The following ZNF469 variants were observed in gnomAD, a reference collection of about 807,000 sequenced individuals.
ZNF469 encodes the protein zinc finger protein 469.
In ZNF469, 1 loss-of-function variant was observed where a neutral mutation model predicts 1.0. The ratio of observed to expected loss-of-function variants is 1.00; its 90% confidence interval spans 0.35 to 4.73. The LOEUF is 4.73. ZNF469 is among the 30% of genes most tolerant of loss of function. The probability of loss-of-function intolerance (pLI) is 0.16; values close to 1 mark genes in which losing one functional copy is unlikely to be tolerated. For synonymous variants in ZNF469, 2,703 were observed against 2,363.4 expected (o/e 1.14, Z -4.17); for missense variants, 6,100 against 5,356.3 (o/e 1.14, Z -4.33).
At chr16:88,244,110 TG>T in the ZNF469 span, among the ~76,000 whole-genome samples, 1 of 146,890 alleles carries the variant, frequency 6.8e-6, no homozygotes, top group Non-Finnish European at 1.5e-5. Flanking sequence ...AATGGGTGGG[TG>T]GGTGGATGGA....
Position 88,434,461 on chromosome 16 carries a change from C to G in ZNF469, c.6991C>G (p.Pro2331Ala). The G allele has an allele frequency of 1.3e-6, 2 of 1,549,920 alleles. No individual in the cohort carries two copies. Among genetic ancestry groups the G allele is most frequent in the Non-Finnish European group, 1.7e-6 (2 of 1,146,940 alleles). ...GCCCAGGGGCCACTCCTCGTATTCT[C>G]CAAGCAATACTGCCCGCCTCGGCCA... is the stretch of plus-strand genomic sequence containing the variant. ...RMPRGHSSYS[P>A]SNTARLGHRE... Residue 2331 changes from proline (P) to alanine (A), a missense_variant, in exon 3 of 3, where the codon CCA (proline) becomes GCA (alanine). Transcript: ENST00000565624.
In ZNF469 at chr16:88,383,137, G is replaced by T. The variant is rs1432766927; in HGVS notation, c.-309G>T. ...TCGGTGCCCGGCGGGCGGGCGGCCC[G>T]GGCGGGCCTGCGGTCGGGATGAGGA... On this transcript the variant is annotated 5_prime_UTR_variant, in exon 1 of 3. Transcript: ENST00000565624. Among the ~76,000 whole-genome samples, 1 of 148,462 alleles carries T rather than the reference G, an allele frequency of 6.7e-6. No homozygotes were observed. The highest frequency in any genetic ancestry group is 1.5e-5 in the Non-Finnish European group (1 of 66,596).
chr16:88,326,227 G>T, the ZNF469 span, among the ~76,000 whole-genome samples: 2 of 152,220 alleles, frequency 1.3e-5, no homozygotes, highest in South Asian at 4.1e-4. Context: ...TGCTGTTCTC[G>T]TGATAGTGAA....
At chr16:88,271,664 C>T in the ZNF469 span, among the ~76,000 whole-genome samples, 73 of 147,090 alleles carry the variant, frequency 5.0e-4, 1 homozygote, top group African/African-American at 1.7e-3. Context: ...AGGGTCAGAG[C>T]GAAGGTGAGG....
the ZNF469 span, among the ~76,000 whole-genome samples, chr16:88,106,028 C>T: frequency 1.3e-5 from 2 of 152,218 alleles, no homozygotes; most frequent in African/African-American, 2.4e-5. Context: ...CTGTGAGGAG[C>T]TGCCTCCTGG....
the ZNF469 span, chr16:88,178,467 T>C: frequency 7.2e-5 from 11 of 152,138 alleles, no homozygotes; most frequent in African/African-American, 2.7e-4. Context: ...TGCTCCGGGG[T>C]GGCCGGGCCC....
chr16:88,418,713 T>G (rs542281286), intron 1 of ZNF469, among the ~76,000 whole-genome samples: 1 of 152,204 alleles, frequency 6.6e-6, no homozygotes, highest in African/African-American at 2.4e-5. Flanking sequence ...CCAAAGTAAT[T>G]AAGATAAATG....
At chr16:88,212,142 A>AT in the ZNF469 span, among the ~76,000 whole-genome samples, 68 of 151,496 alleles carry the variant, frequency 4.5e-4, 1 homozygote, top group East Asian at 6.0e-3. Context: ...GGACCCAAGC[A>AT]TTTTTTTTTC....
the ZNF469 span, among the ~76,000 whole-genome samples, chr16:88,236,106 T>G: frequency 1.3e-5 from 2 of 152,232 alleles, no homozygotes. Context: ...AGAAATCTCA[T>G]AGGGGGCTGC....
intron 1 of ZNF469, among the ~76,000 whole-genome samples, chr16:88,383,855 C>G (rs576406079): frequency 3.3e-5 from 5 of 152,298 alleles, no homozygotes; most frequent in African/African-American, 1.2e-4. Flanking sequence ...CAGCCCCGCG[C>G]ACCCCCAGAG....
At chr16:88,101,446 G>A in the ZNF469 span, among the ~76,000 whole-genome samples, 4 of 152,012 alleles carry the variant, frequency 2.6e-5, no homozygotes, top group South Asian at 2.1e-4. Context: ...TTTGTGGCAC[G>A]CTCCAGGTGA....
chr16:88,402,339 A>G (rs1228218538), intron 1 of ZNF469, among the ~76,000 whole-genome samples: 1 of 152,140 alleles, frequency 6.6e-6, no homozygotes, highest in African/African-American at 2.4e-5. Context: ...ACCCAGGTGA[A>G]CAGGTGGATC....
Position 88,433,377 on chromosome 16 carries a change from A to G in ZNF469, c.5907A>G (p.Ala1969=). Residue 1969 remains alanine (A), a synonymous_variant, in exon 3 of 3, where the codon GCA becomes GCG. Transcript: ENST00000565624. ...GTGTGCAGGTGACAACTCTCCCTGCAGTGGCCGGACATCAGCTGGGGCTGG... is the reference window on the plus strand; with the variant it reads ...GTGTGCAGGTGACAACTCTCCCTGCGGTGGCCGGACATCAGCTGGGGCTGG... ...PGGVQVTTLP[A]VAGHQLGLEA... 6.5e-7 allele frequency: 1 copy of G among 1,550,326 alleles called. No individual in the cohort carries two copies. The highest frequency in any genetic ancestry group is 1.2e-5 in the South Asian group (1 of 84,062).
At position 88,437,450 on chromosome 16, in the gene ZNF469, C is replaced by T. The variant is rs186421933; in HGVS notation, c.9980C>T (p.Pro3327Leu). The T allele has an allele frequency of 3.6e-5, 55 of 1,527,536 alleles. No homozygotes were observed. The East Asian group carries it at 1.2e-3, about 32-fold the overall frequency. The allele number at this position is 1,527,536 out of a possible 1,614,324, so 94.6% of individuals were successfully genotyped here. A position where few individuals can be genotyped will look rare whatever the true frequency, so the allele number is the denominator to read the frequency against. The change falls in exon 3 of 3, where the codon CCG (proline) becomes CTG (leucine). Residue 3327 changes from proline to leucine, a missense_variant. Coordinates refer to ENST00000565624, the MANE Select transcript of ZNF469 (RefSeq NM_001367624.2). ...AGGEPLLQAT[P>L]VHEACKDPSR... is the part of the protein sequence containing the mutation. ...GGGGAGCCCCTCCTGCAAGCCACCC[C>T]GGTGCACGAGGCCTGCAAGGACCCC...
At chr16:88,242,270 T>G in the ZNF469 span, among the ~76,000 whole-genome samples, 1 of 152,038 alleles carries the variant, frequency 6.6e-6, no homozygotes, top group Non-Finnish European at 1.5e-5. Context: ...GTCTGCAGCT[T>G]CTTCTCTAAA....
chr16:88,214,647 C>T, the ZNF469 span, among the ~76,000 whole-genome samples: 12 of 152,218 alleles, frequency 7.9e-5, no homozygotes, highest in South Asian at 2.1e-3. Context: ...AATGTTATCC[C>T]TCCTCTAACC....
chr16:88,166,710 T>C, the ZNF469 span, among the ~76,000 whole-genome samples: 2 of 151,048 alleles, frequency 1.3e-5, no homozygotes, highest in Non-Finnish European at 2.9e-5. The surrounding 1 kb of genome is among the most constrained non-coding windows in gnomAD (Gnocchi z 4.5). Flanking sequence ...AGGGCTGGGT[T>C]TCAGAACCGA....
At chr16:88,162,245 A>G in the ZNF469 span, among the ~76,000 whole-genome samples, 1 of 152,116 alleles carries the variant, frequency 6.6e-6, no homozygotes, top group African/African-American at 2.4e-5. Flanking sequence ...ATTTCATACT[A>G]CAGAGTAGAG....
chr16:88,193,219 ATGGTGG>A, the ZNF469 span, among the ~76,000 whole-genome samples: 1 of 26,498 alleles, frequency 3.8e-5, no homozygotes, highest in Non-Finnish European at 7.9e-5. Context: ...GATGGTGGTG[ATGGTGG>A]TGGTGGGGAT....
Sources: gnomAD v4.1 joint callset for allele counts (sites outside exome capture counted in the v4.1 genomes callset) on GRCh38, gnomAD v4.1.1 for gene constraint, Gnocchi (gnomAD v3.1) non-coding constraint, MANE v1.5 for transcripts, NCBI Gene and HGNC (gene_info 2026-07-23, HGNC 2026-07-21) for gene names.